Variants in HPSE2 observed in about 807,000 individuals in gnomAD.
HPSE2 encodes heparanase 2 (inactive).
In HPSE2, 38 loss-of-function variants were observed where a neutral mutation model predicts 60.5. The ratio of observed to expected loss-of-function variants is 0.63; its 90% CI spans 0.48 to 0.82. The LOEUF is 0.82. Among genes scored for constraint, HPSE2 ranks in the 40% least tolerant of loss-of-function variants. The probability of loss-of-function intolerance (pLI) is 0.00; values close to 1 mark genes in which losing one functional copy is unlikely to be tolerated. For synonymous variants in HPSE2, 295 were observed against 293.2 expected (o/e 1.01, Z -0.06); for missense variants, 713 against 740.4 (o/e 0.96, Z 0.43).
At chr10:98,794,244 T>C (rs1950721863) in intron 3 of HPSE2, among the ~76,000 whole-genome samples, 1 of 88,064 alleles carries the variant, frequency 1.1e-5, no homozygotes, top group African/African-American at 6.7e-5. Flanking sequence ...ATTGCATTAA[T>C]TTTTTTTTTT....
intron 6 of HPSE2, among the ~76,000 whole-genome samples, chr10:98,653,255 T>C (rs1474783599): frequency 6.6e-6 from 1 of 152,176 alleles, no homozygotes; most frequent in Non-Finnish European, 1.5e-5. Context: ...TTAAATTGGG[T>C]TTATTGTAGG....
the HPSE2 span, among the ~76,000 whole-genome samples, chr10:99,267,702 C>T: frequency 1.3e-5 from 2 of 151,644 alleles, no homozygotes; most frequent in African/African-American, 4.8e-5. Flanking sequence ...ACAGCTTGAA[C>T]CTGGGAGGCG....
intron 6 of HPSE2, among the ~76,000 whole-genome samples, chr10:98,693,461 A>C (rs1286605876): frequency 6.6e-6 from 1 of 152,156 alleles, no homozygotes; most frequent in African/African-American, 2.4e-5. Context: ...TTAGAGACTC[A>C]CTTGGCAATA....
chr10:99,285,329 A>C, the HPSE2 span, among the ~76,000 whole-genome samples: 2 of 151,354 alleles, frequency 1.3e-5, no homozygotes, highest in Non-Finnish European at 2.9e-5. Context: ...GCTACTCAAG[A>C]GGATAAGGTG....
At chr10:99,055,920 AGAAG>A (rs1339434982) in intron 3 of HPSE2, among the ~76,000 whole-genome samples, 1 of 152,160 alleles carries the variant, frequency 6.6e-6, no homozygotes, top group Admixed American at 6.5e-5. Context: ...AACAAGCTAG[AGAAG>A]GAAGGGCAAA....
intron 7 of HPSE2, among the ~76,000 whole-genome samples, chr10:98,638,850 G>T (rs1383362264): frequency 1.3e-5 from 2 of 152,140 alleles, no homozygotes; most frequent in East Asian, 3.9e-4. Flanking sequence ...GGTAATATCT[G>T]GCAAGAGCTT....
At chr10:98,741,275 T>C (rs1014857162) in intron 4 of HPSE2, among the ~76,000 whole-genome samples, 3 of 152,192 alleles carry the variant, frequency 2.0e-5, no homozygotes, top group African/African-American at 7.2e-5. Flanking sequence ...TATTTTCTTA[T>C]CAATGACAGT....
chr10:98,724,305 T>A (rs1049809748), intron 4 of HPSE2, among the ~76,000 whole-genome samples: 3 of 152,188 alleles, frequency 2.0e-5, no homozygotes, highest in Non-Finnish European at 4.4e-5. Flanking sequence ...TGAGTTCTAG[T>A]TTGATTGCAC....
At chr10:99,190,845 G>A (rs913291230) in intron 2 of HPSE2, among the ~76,000 whole-genome samples, 3 of 152,232 alleles carry the variant, frequency 2.0e-5, no homozygotes, top group Non-Finnish European at 4.4e-5. Flanking sequence ...TCTAGGCCTT[G>A]GCTCCTAGAT....
chr10:99,271,299 G>A, the HPSE2 span, among the ~76,000 whole-genome samples: 22 of 152,274 alleles, frequency 1.4e-4, no homozygotes, highest in Admixed American at 3.3e-4. Context: ...TTCAGGATAC[G>A]AAATTAATAT....
At chr10:98,806,507 G>T (rs146553073) in intron 3 of HPSE2, among the ~76,000 whole-genome samples, 88 of 152,256 alleles carry the variant, frequency 5.8e-4, no homozygotes, top group Middle Eastern at 3.4e-3. Context: ...CTTCCTATGA[G>T]ACCATGGGCA....
At chr10:98,871,628 C>A (rs1255247401) in intron 3 of HPSE2, among the ~76,000 whole-genome samples, 2 of 151,802 alleles carry the variant, frequency 1.3e-5, no homozygotes, top group Non-Finnish European at 2.9e-5. Flanking sequence ...TAAATTCATG[C>A]TGAAAACACC....
chr10:98,841,763 G>A (rs369721345), intron 3 of HPSE2, among the ~76,000 whole-genome samples: 23 of 151,912 alleles, frequency 1.5e-4, no homozygotes, highest in African/African-American at 5.5e-4. Context: ...TCCCCCAGTG[G>A]AATGTAAATT....
intron 3 of HPSE2, among the ~76,000 whole-genome samples, chr10:98,769,959 A>G (rs1950205632): frequency 6.6e-6 from 1 of 152,218 alleles, no homozygotes; most frequent in African/African-American, 2.4e-5. Flanking sequence ...ATGGAATGTT[A>G]TTGCTAAGTT....
At chr10:98,749,401 T>C (rs1949701804) in intron 3 of HPSE2, among the ~76,000 whole-genome samples, 1 of 151,736 alleles carries the variant, frequency 6.6e-6, no homozygotes, top group African/African-American at 2.4e-5. Context: ...CATGCGTGTA[T>C]ATCTGTACAT....
intron 9 of HPSE2, among the ~76,000 whole-genome samples, chr10:98,565,396 G>A (rs1224329118): frequency 2.6e-5 from 4 of 151,966 alleles, no homozygotes; most frequent in East Asian, 1.9e-4. Flanking sequence ...CTCATTGTCC[G>A]ACTCCCACTT....
chr10:98,730,805 T>C (rs1949208613), intron 4 of HPSE2, among the ~76,000 whole-genome samples: 1 of 152,184 alleles, frequency 6.6e-6, no homozygotes, highest in Non-Finnish European at 1.5e-5. Context: ...CGAAAACCCA[T>C]TGAGGTAGTA....
At chr10:99,179,551 C>T (rs1847672575) in intron 2 of HPSE2, among the ~76,000 whole-genome samples, 1 of 152,116 alleles carries the variant, frequency 6.6e-6, no homozygotes, top group Admixed American at 6.5e-5. Flanking sequence ...ATCCAACTTA[C>T]AAGGGATGTG....
intron 3 of HPSE2, among the ~76,000 whole-genome samples, chr10:99,045,175 A>G (rs1023209180): frequency 6.6e-6 from 1 of 152,188 alleles, no homozygotes; most frequent in African/African-American, 2.4e-5. Flanking sequence ...CTCTTGGACC[A>G]CAGTGCAATA....
Sources: allele counts gnomAD v4.1 joint callset (sites outside exome capture counted in the v4.1 genomes callset), GRCh38; gene constraint gnomAD v4.1.1; transcripts MANE v1.5; gene names NCBI Gene and HGNC (gene_info 2026-07-23, HGNC 2026-07-21).